Variants in AGK observed in about 807,000 individuals in gnomAD.
AGK encodes the protein acylglycerol kinase, mitochondrial.
A neutral mutation model predicts 66.4 loss-of-function variants in AGK; 52 were observed. The observed-to-expected ratio is 0.78, with a 90% CI of 0.63 to 0.99. The LOEUF is 0.99. Among genes scored for constraint, AGK ranks in the 50% least tolerant of loss-of-function variants. The pLI is 0.00. For missense variants in AGK, 451 were observed against 506.6 expected, an observed-to-expected ratio of 0.89 and a Z score of 1.05; for synonymous variants, 182 against 181.1, an observed-to-expected ratio of 1.00 and a Z score of -0.04.
At chr7:141,572,806 G>T (rs189592721) in intron 2 of AGK, among the ~76,000 whole-genome samples, 8 of 152,250 alleles carry the variant, frequency 5.3e-5, no homozygotes, top group Admixed American at 1.3e-4. Context: ...CAGGCTATGG[G>T]GGGGGGAAAT....
At chr7:141,629,107 T>A (rs1264214276) in intron 9 of AGK, among the ~76,000 whole-genome samples, 1 of 152,178 alleles carries the variant, frequency 6.6e-6, no homozygotes, top group Non-Finnish European at 1.5e-5. Context: ...CTTAAGATGA[T>A]GCTTGAAGCT....
chr7:141,565,601 A>G (rs1318380196), intron 2 of AGK, among the ~76,000 whole-genome samples: 3 of 151,792 alleles, frequency 2.0e-5, no homozygotes, highest in Non-Finnish European at 2.9e-5. Flanking sequence ...AGATCGTACC[A>G]CTGCACTGCC....
At chr7:141,609,806 C>T (rs1474206389) in intron 5 of AGK, among the ~76,000 whole-genome samples, 1 of 152,188 alleles carries the variant, frequency 6.6e-6, no homozygotes, top group East Asian at 1.9e-4. Flanking sequence ...CCAATCACCT[C>T]ATTAGCACAA....
intron 4 of AGK, chr7:141,599,012 A>G (rs1397244253): frequency 6.6e-6 from 1 of 152,206 alleles, no homozygotes; most frequent in Non-Finnish European, 1.5e-5. Context: ...GTAAGCTAAA[A>G]TACTGCCACT....
At chr7:141,635,096 CAAATTGCTTTCCA>C (rs1241915570) in intron 10 of AGK, among the ~76,000 whole-genome samples, 1 of 152,128 alleles carries the variant, frequency 6.6e-6, no homozygotes, top group Admixed American at 6.6e-5. Context: ...CTGGTTAGGA[CAAATTGCTTTCCA>C]AAATGTGTTA....
At chr7:141,640,771 G>C (rs1587161778) in intron 11 of AGK, among the ~76,000 whole-genome samples, 1 of 152,270 alleles carries the variant, frequency 6.6e-6, no homozygotes, top group East Asian at 1.9e-4. Flanking sequence ...TAGAGTGTGA[G>C]GGTGATGGGC....
chr7:141,638,814 G>A (rs1185873197), intron 11 of AGK, among the ~76,000 whole-genome samples: 1 of 152,136 alleles, frequency 6.6e-6, no homozygotes, highest in Non-Finnish European at 1.5e-5. Context: ...TTTAATCTAT[G>A]TAGAGTTTAA....
chr7:141,646,680 AAAG>A (rs1797420644), intron 13 of AGK, among the ~76,000 whole-genome samples: 1 of 152,248 alleles, frequency 6.6e-6, no homozygotes, highest in Non-Finnish European at 1.5e-5. Flanking sequence ...AAAAAAATCA[AAAG>A]AAGAGTATTT....
chr7:141,557,622 C>G (rs970052676), intron 2 of AGK, among the ~76,000 whole-genome samples: 1 of 152,174 alleles, frequency 6.6e-6, no homozygotes, highest in Non-Finnish European at 1.5e-5. Flanking sequence ...TAAAAAAGGA[C>G]CATTAAGTCT....
chr7:141,555,013 A>G lies in AGK; in HGVS notation c.-14-440A>G, dbSNP rs1294876857. Among the ~76,000 whole-genome samples, 13 of 151,690 alleles carry G rather than the reference A, an allele frequency of 8.6e-5. No homozygotes were observed. The highest frequency in any genetic ancestry group is 2.4e-4 in the African/African-American group (10 of 41,076). ...TTCTTCTATTTTGAACTCGCCCTTC[A>G]TATTATTATTTTTTGGGACACTTAC... On this transcript the variant is annotated intron_variant, in intron 1 of 15. Coordinates refer to ENST00000649286, the MANE Select transcript of AGK (RefSeq NM_018238.4). This position sits in a 1 kb window ranked among gnomAD's most constrained non-coding sequence, Gnocchi z 4.2.
At position 141,611,247 on chromosome 7, in the gene AGK, ATGTGATCAT is replaced by A; in HGVS notation, c.354_362del (p.Ile119_Val121del). 1 of 1,613,610 alleles carries A rather than the reference ATGTGATCAT, an allele frequency of 6.2e-7. No homozygotes were observed. Among genetic ancestry groups the A allele is most frequent in the Non-Finnish European group, 8.5e-7 (1 of 1,179,700 alleles). ...CTCCTGGAACTGATGGAAAACACGG[ATGTGATCAT>A]TGTTGCAGGAGGAGATGGGACACTG... On this transcript the variant is annotated inframe_deletion, in exon 6 of 16. Coordinates refer to ENST00000649286, the MANE Select transcript of AGK (RefSeq NM_018238.4).
intron 13 of AGK, among the ~76,000 whole-genome samples, chr7:141,648,676 G>A (rs905055431): frequency 6.6e-6 from 1 of 152,212 alleles, no homozygotes; most frequent in African/African-American, 2.4e-5. Flanking sequence ...AACCAAGTCT[G>A]TTTTGATAGC....
chr7:141,654,050 T>A lies in AGK; in HGVS notation c.*1126T>A, dbSNP rs1269074943. The A allele has an allele frequency of 7.2e-5, 11 of 152,196 alleles. No individual in the cohort carries two copies. The highest frequency in any genetic ancestry group is 1.5e-5 in the Non-Finnish European group (1 of 68,038). 9.4% of individuals were successfully genotyped at this position (152,196 alleles called of 1,614,324 possible). On this transcript the variant is annotated 3_prime_UTR_variant, in exon 16 of 16. Transcript: ENST00000649286. ...TTCCATACCACTTTTCAGCCAAGAA[T>A]CCTATCATAATGTAATCTATTATGC...
chr7:141,605,953 T>C (rs930041803), intron 5 of AGK, among the ~76,000 whole-genome samples: 2 of 152,208 alleles, frequency 1.3e-5, no homozygotes, highest in African/African-American at 4.8e-5. Context: ...TTTTTACACA[T>C]AGATCAGTGG....
chr7:141,554,444 T>G (rs1228771368), intron 1 of AGK, among the ~76,000 whole-genome samples: 4 of 152,210 alleles, frequency 2.6e-5, no homozygotes, highest in Admixed American at 2.6e-4. Flanking sequence ...ATATATGGCT[T>G]TTTATCCTGC....
intron 2 of AGK, among the ~76,000 whole-genome samples, chr7:141,561,659 T>C (rs568421376): frequency 6.6e-6 from 1 of 151,734 alleles, no homozygotes; most frequent in South Asian, 2.1e-4. Flanking sequence ...TGTGGTGGAG[T>C]GCCAGTAGGG....
intron 2 of AGK, among the ~76,000 whole-genome samples, chr7:141,589,795 G>A (rs1310100155): frequency 1.3e-5 from 2 of 152,112 alleles, no homozygotes; most frequent in African/African-American, 4.8e-5. Context: ...CCCGACCTCA[G>A]GTGATCCGCC....
intron 9 of AGK, among the ~76,000 whole-genome samples, chr7:141,632,410 T>C (rs1259939997): frequency 6.6e-6 from 1 of 152,208 alleles, no homozygotes; most frequent in African/African-American, 2.4e-5. Context: ...TCTTGGTTGC[T>C]GATGCCCCTG....
At chr7:141,606,494 T>A (rs1308129529) in intron 5 of AGK, among the ~76,000 whole-genome samples, 1 of 152,192 alleles carries the variant, frequency 6.6e-6, no homozygotes, top group Non-Finnish European at 1.5e-5. Context: ...GTAGACTTTA[T>A]TTTTTAGAGC....
Sources: allele counts gnomAD v4.1 joint callset (sites outside exome capture counted in the v4.1 genomes callset), GRCh38; gene constraint gnomAD v4.1.1; non-coding constraint Gnocchi (gnomAD v3.1); transcripts MANE v1.5; gene names NCBI Gene and HGNC (gene_info 2026-07-23, HGNC 2026-07-21).